PRR14L: variants seen among roughly 807,000 people sequenced by gnomAD.
The protein encoded by PRR14L is protein PRR14L.
A neutral mutation model predicts 155.0 loss-of-function variants in PRR14L; 80 were observed. The ratio of observed to expected loss-of-function variants is 0.52; its 90% CI spans 0.43 to 0.62. The LOEUF (loss-of-function observed/expected upper bound fraction) is 0.62. Ranked by LOEUF, PRR14L falls within the 20% of genes least tolerant of loss-of-function variation. PRR14L has a pLI of 0.00. For missense variants in PRR14L, 2,469 were observed against 2,548.0 expected (o/e 0.97, Z 0.67); for synonymous variants, 883 against 916.0 (o/e 0.96, Z 0.65).
At chr22:31,719,355 T>A (rs1324218114) in intron 3 of PRR14L, among the ~76,000 whole-genome samples, 1 of 151,194 alleles carries the variant, frequency 6.6e-6, no homozygotes, top group African/African-American at 2.4e-5. Context: ...AAGGCTGCAA[T>A]AAGCTGTGAT....
rs1038720390 is a variant in PRR14L, at chr22:31,692,157, C to T, written c.6108-3930G>A. Among the ~76,000 whole-genome samples the T allele has an allele frequency of 5.3e-5, 8 of 152,118 alleles. No individual in the cohort carries two copies. The East Asian group carries it at 7.7e-4, about 15-fold the overall frequency. On this transcript the variant is annotated intron_variant, in intron 7 of 8. Transcript: ENST00000327423. ...TGCTGGGATTACAGGCGTGAGCCAC[C>T]GTGCCTGGCATGTTTTCAATTCTTT...
At chr22:31,718,307 G>C (rs1601506932) in intron 3 of PRR14L, among the ~76,000 whole-genome samples, 1 of 150,672 alleles carries the variant, frequency 6.6e-6, no homozygotes, top group East Asian at 2.0e-4. Context: ...CCAGGCTGGA[G>C]TGCAGTGGCG....
At chr22:31,709,380 T>C (rs1010421949) in intron 4 of PRR14L, among the ~76,000 whole-genome samples, 2 of 150,928 alleles carry the variant, frequency 1.3e-5, no homozygotes, top group African/African-American at 4.9e-5. Flanking sequence ...AGCCTCTGAG[T>C]AGCTGGAATT....
intron 4 of PRR14L, among the ~76,000 whole-genome samples, chr22:31,711,146 GTGTT>G (rs1450902149): frequency 3.9e-5 from 6 of 152,176 alleles, no homozygotes; most frequent in African/African-American, 1.4e-4. Context: ...CTTGTAATGG[GTGTT>G]TGTTTTCTGC....
intron 2 of PRR14L, among the ~76,000 whole-genome samples, chr22:31,729,234 C>T (rs1328511983): frequency 6.6e-6 from 1 of 152,124 alleles, no homozygotes; most frequent in Non-Finnish European, 1.5e-5. Flanking sequence ...ATTTTTGAGA[C>T]GAAGTCTCGC....
Position 31,739,513 on chromosome 22 carries a change from T to A in PRR14L, c.-51-602A>T, listed in dbSNP as rs148808598. Among the ~76,000 whole-genome samples the A allele has an allele frequency of 6.4e-3, 968 of 152,318 alleles. 7 individuals carry two copies. The highest frequency in any genetic ancestry group is 0.02 in the African/African-American group (849 of 41,572). On this transcript the variant is annotated intron_variant, in intron 1 of 8. Coordinates refer to ENST00000327423, the MANE Select transcript of PRR14L (RefSeq NM_173566.3). ...CTACTAAACCAGCTCGTTAGCAGAA[T>A]CCTTCCTGATTTTTATCCTGCATCT...
chr22:31,691,773 T>C (rs769451208), intron 7 of PRR14L, among the ~76,000 whole-genome samples: 55 of 152,262 alleles, frequency 3.6e-4, no homozygotes, highest in Non-Finnish European at 7.3e-4. Context: ...TTTATCCATT[T>C]ATCAACTGAG....
chr22:31,741,139 G>A lies in PRR14L; in HGVS notation c.-51-2228C>T, dbSNP rs141972660. On this transcript the variant is annotated intron_variant, in intron 1 of 8. Transcript: ENST00000327423. Reference sequence around the variant, plus strand: ...ATGATGGCGCGCGCCTGTGGTCCCAGCTACTCAGGAGGCTGAGGCAGGAGA... The same window carrying A: ...ATGATGGCGCGCGCCTGTGGTCCCAACTACTCAGGAGGCTGAGGCAGGAGA... 9.2e-3 allele frequency among the ~76,000 whole-genome samples: 1,399 copies of A among 151,652 alleles called. 31 individuals carry two copies. Among genetic ancestry groups the A allele is most frequent in the African/African-American group, 0.032 (1,339 of 41,316 alleles).
In PRR14L at chr22:31,715,272, C is replaced by G; in HGVS notation, c.2567G>C (p.Arg856Thr). 1 of 1,552,260 alleles carries G rather than the reference C, an allele frequency of 6.4e-7. No individual in the cohort carries two copies. Residue 856 changes from arginine to threonine, a missense_variant, in exon 4 of 9, where the codon AGG (arginine) becomes ACG (threonine). Around this residue, in one of 2 missense-constraint regions of PRR14L, gnomAD observed 2,363 missense variants for 2,371.6 expected, o/e 1.00. Transcript: ENST00000327423. ...SCKVSYTSQERELDGKETNGS... is the reference protein window; with the variant it reads ...SCKVSYTSQETELDGKETNGS... ...ATTCGTTTCTTTCCCATCAAGTTCC[C>G]TTTCCTGTGATGTGTAACTCACTTT...
intron 2 of PRR14L, among the ~76,000 whole-genome samples, chr22:31,736,220 A>AT (rs2074780637): frequency 6.8e-6 from 1 of 146,402 alleles, no homozygotes; most frequent in African/African-American, 2.5e-5. Flanking sequence ...CTCCATCTCA[A>AT]AAAAAAAAAA....
At chr22:31,749,403 T>C (rs2147881598) in intron 1 of PRR14L, among the ~76,000 whole-genome samples, 1 of 152,114 alleles carries the variant, frequency 6.6e-6, no homozygotes, top group African/African-American at 2.4e-5. Context: ...TAAAGTAAAA[T>C]TTCAAGGTCT....
At chr22:31,741,953 T>C (rs1350768085) in intron 1 of PRR14L, among the ~76,000 whole-genome samples, 2 of 152,190 alleles carry the variant, frequency 1.3e-5, no homozygotes, top group Non-Finnish European at 2.9e-5. Flanking sequence ...CAGAAACATC[T>C]TTCTAGGGGC....
chr22:31,739,513 T>C (rs148808598), intron 1 of PRR14L, among the ~76,000 whole-genome samples: 1 of 152,200 alleles, frequency 6.6e-6, no homozygotes, highest in Non-Finnish European at 1.5e-5. Flanking sequence ...GTTAGCAGAA[T>C]CCTTCCTGAT....
At chr22:31,704,048 C>T (rs897930013) in intron 5 of PRR14L, among the ~76,000 whole-genome samples, 6 of 152,120 alleles carry the variant, frequency 3.9e-5, no homozygotes, top group Non-Finnish European at 7.4e-5. Context: ...CCACCCGCAC[C>T]GGCCTCCCAA....
At chr22:31,686,822 T>C (rs1038883345) in intron 8 of PRR14L, among the ~76,000 whole-genome samples, 2 of 152,270 alleles carry the variant, frequency 1.3e-5, no homozygotes, top group African/African-American at 4.8e-5. Flanking sequence ...AGAGCAGACA[T>C]ACAAAATCTT....
At chr22:31,705,524 C>T (rs920130569) in intron 4 of PRR14L, among the ~76,000 whole-genome samples, 21 of 152,004 alleles carry the variant, frequency 1.4e-4, no homozygotes, top group African/African-American at 4.8e-4. Context: ...TAGGCGCGTG[C>T]CATCATGCCC....
chr22:31,747,144 CTT>C (rs1375282536), intron 1 of PRR14L, among the ~76,000 whole-genome samples: 10 of 144,854 alleles, frequency 6.9e-5, no homozygotes, highest in African/African-American at 1.5e-4. Context: ...GAGTTTCACT[CTT>C]GTTTCCCAGG....
Position 31,714,731 on chromosome 22 carries a change from T to C in PRR14L, c.3108A>G (p.Lys1036=), listed in dbSNP as rs765774731. 1.9e-6 allele frequency: 3 copies of C among 1,552,400 alleles called. No homozygotes were observed. Among genetic ancestry groups the C allele is most frequent in the South Asian group, 2.4e-5 (2 of 84,064 alleles). The change falls in exon 4 of 9, where the codon AAA becomes AAG. Residue 1036 remains lysine (K), a synonymous_variant. Coordinates refer to ENST00000327423, the MANE Select transcript of PRR14L (RefSeq NM_173566.3). ...AACCAGACATCTTGACAAAGGCTCC[T>C]TTCAAATTGCATTTCTTTGGACTAC... The part of the protein sequence containing the change: ...PCGSPKKCNL[K]GAFVKMSGCD...
chr22:31,697,029 CG>C (rs2074538276), intron 7 of PRR14L, among the ~76,000 whole-genome samples: 1 of 152,110 alleles, frequency 6.6e-6, no homozygotes, highest in Non-Finnish European at 1.5e-5. Context: ...GCAGGAGAAT[CG>C]CCTGTACCTG....
Sources: gnomAD v4.1 joint callset for allele counts (sites outside exome capture counted in the v4.1 genomes callset) on GRCh38, gnomAD v4.1.1 for gene constraint, gnomAD v4.1.1 regional missense constraint, MANE v1.5 for transcripts, NCBI Gene and HGNC (gene_info 2026-07-23, HGNC 2026-07-21) for gene names.